Variants in PRUNE2 observed in about 807,000 individuals in gnomAD.
PRUNE2 encodes prune homolog 2 with BCH domain, also known as protein prune homolog 2.
PRUNE2 carries 164 observed loss-of-function variants against 252.0 expected under a neutral mutation model. That is an observed-to-expected ratio of 0.65 (90% confidence interval 0.57 to 0.74). The LOEUF (loss-of-function observed/expected upper bound fraction) is 0.74, where lower values mean the gene tolerates loss of function less well. PRUNE2 is among the 30% of genes least tolerant of loss of function. PRUNE2 has a pLI of 0.00. For synonymous variants in PRUNE2, 1,292 were observed against 1,350.2 expected (o/e 0.96, Z 0.94); for missense variants, 3,495 against 3,711.0 (o/e 0.94, Z 1.51).
intron 4 of PRUNE2, among the ~76,000 whole-genome samples, chr9:76,832,159 T>A (rs1319058705): frequency 2.0e-5 from 3 of 151,966 alleles, no homozygotes; most frequent in Non-Finnish European, 4.4e-5. Context: ...AAATACACAG[T>A]CACAGTGGAA....
At chr9:76,690,642 G>A (rs1051346104) in intron 9 of PRUNE2, among the ~76,000 whole-genome samples, 3 of 152,128 alleles carry the variant, frequency 2.0e-5, no homozygotes, top group South Asian at 4.1e-4. Context: ...AACCATTGGG[G>A]AAAAAAAGTT....
Position 76,826,598 on chromosome 9 carries a change from T to A in PRUNE2, c.643A>T (p.Thr215Ser). 1 of 1,603,026 alleles carries A rather than the reference T, an allele frequency of 6.2e-7. No individual in the cohort carries two copies. Among genetic ancestry groups the A allele is most frequent in the Non-Finnish European group, 8.5e-7 (1 of 1,173,476 alleles). ...CACTCACCCTGAGCACTGAACTGGG[T>A]CTCCTGTAGGACGTTGATGATGTCC... is the stretch of plus-strand genomic sequence containing the variant. ...REDIINVLQE[T>S]QFSAQGLSIE... is the part of the protein sequence containing the mutation. Residue 215 changes from threonine to serine, a missense_variant, in exon 5 of 19, where the codon ACC becomes TCC. Coordinates refer to ENST00000376718, the MANE Select transcript of PRUNE2 (RefSeq NM_015225.3).
At chr9:76,816,741 A>T (rs1371592887) in intron 6 of PRUNE2, among the ~76,000 whole-genome samples, 1 of 152,188 alleles carries the variant, frequency 6.6e-6, no homozygotes, top group Non-Finnish European at 1.5e-5. Context: ...AATCTCTACC[A>T]TTAAAATTTT....
intron 6 of PRUNE2, among the ~76,000 whole-genome samples, chr9:76,801,254 T>C (rs12000732): frequency 0.12 from 18,843 of 152,238 alleles, 1,228 homozygotes; most frequent in East Asian, 0.21. Flanking sequence ...AAAACTTTTT[T>C]CTCTCTTTGA....
chr9:76,830,080 G>A (rs973711585), intron 4 of PRUNE2, among the ~76,000 whole-genome samples: 20 of 152,034 alleles, frequency 1.3e-4, no homozygotes, highest in African/African-American at 2.7e-4. Context: ...ACTTAATTTC[G>A]AACTCAAATG....
intron 17 of PRUNE2, 44 bp from the exon 18 acceptor site, chr9:76,619,431 T>A: frequency 7.3e-7 from 1 of 1,365,710 alleles, no homozygotes; most frequent in Non-Finnish European, 1.0e-6. Flanking sequence ...ATTTCCCCAC[T>A]GTCACCACTG....
chr9:76,865,324 C>T (rs928777798), intron 1 of PRUNE2, among the ~76,000 whole-genome samples: 9 of 151,958 alleles, frequency 5.9e-5, no homozygotes, highest in Admixed American at 1.3e-4. Flanking sequence ...GAGACCCTGC[C>T]GCTACAAAAG....
intron 6 of PRUNE2, among the ~76,000 whole-genome samples, chr9:76,775,916 C>T (rs2131058956): frequency 7.7e-6 from 1 of 130,410 alleles, no homozygotes; most frequent in South Asian, 2.5e-4. Context: ...CCTCCTATGA[C>T]TACACATCCC....
chr9:76,622,645 C>A (rs1446357131), intron 17 of PRUNE2, among the ~76,000 whole-genome samples: 1 of 152,174 alleles, frequency 6.6e-6, no homozygotes, highest in Non-Finnish European at 1.5e-5. Context: ...TCTCATGATA[C>A]AAAGCAATTT....
In PRUNE2 at chr9:76,865,566, G is replaced by A. The variant is rs61652660; in HGVS notation, c.37-11358C>T. ...CTAAGGCAGCGTGCTGCACACAGGA[G>A]ATGCTCCAATCAATTTTTGTCAGTG... On this transcript the variant is annotated intron_variant, in intron 1 of 18. Transcript: ENST00000376718. Among the ~76,000 whole-genome samples, 1,143 of 152,280 alleles carry A rather than the reference G, an allele frequency of 7.5e-3. 10 individuals carry two copies. The highest frequency in any genetic ancestry group is 0.025 in the African/African-American group (1,033 of 41,548).
intron 1 of PRUNE2, among the ~76,000 whole-genome samples, chr9:76,864,728 G>C (rs953289387): frequency 6.6e-6 from 1 of 152,198 alleles, no homozygotes; most frequent in African/African-American, 2.4e-5. Flanking sequence ...CAGTGGATGT[G>C]ATCGGGGCAA....
At chr9:76,782,167 T>C (rs1304313799) in intron 6 of PRUNE2, among the ~76,000 whole-genome samples, 1 of 151,970 alleles carries the variant, frequency 6.6e-6, no homozygotes, top group Non-Finnish European at 1.5e-5. Context: ...TGAGCCAAGA[T>C]GGTGCCACTG....
At chr9:76,827,798 C>T (rs1362528546) in intron 4 of PRUNE2, among the ~76,000 whole-genome samples, 1 of 152,188 alleles carries the variant, frequency 6.6e-6, no homozygotes, top group African/African-American at 2.4e-5. Context: ...GTCGTCTGGC[C>T]TCCGTTTCCA....
chr9:76,841,477 T>TC (rs1348928037), intron 4 of PRUNE2, among the ~76,000 whole-genome samples: 1 of 152,122 alleles, frequency 6.6e-6, no homozygotes, highest in Non-Finnish European at 1.5e-5. Context: ...AACTGTTCAC[T>TC]CCCCTGGAAA....
At chr9:76,855,294 G>A (rs1192564368) in intron 1 of PRUNE2, among the ~76,000 whole-genome samples, 2 of 151,842 alleles carry the variant, frequency 1.3e-5, no homozygotes, top group African/African-American at 4.8e-5. Flanking sequence ...CGGTATGTCA[G>A]AGATGACATA....
At chr9:76,732,697 T>G (rs2048732975) in intron 6 of PRUNE2, among the ~76,000 whole-genome samples, 1 of 152,178 alleles carries the variant, frequency 6.6e-6, no homozygotes. Flanking sequence ...AAAGAGCATT[T>G]ATCTTTGCTG....
chr9:76,709,883 G>A lies in PRUNE2; in HGVS notation c.2391C>T (p.Phe797=), dbSNP rs766649345. The A allele has an allele frequency of 5.9e-5, 95 of 1,613,760 alleles. No individual in the cohort carries two copies. The highest frequency in any genetic ancestry group is 7.2e-5 in the Non-Finnish European group (85 of 1,179,882). The part of the protein sequence containing the change: ...DDGEPAAVAP[F]PAWSAFGKED... ...CTTTACCAAATGCACTCCAGGCTGG[G>A]AATGGCGCCACAGCTGCTGGTTCAC... is the stretch of plus-strand genomic sequence containing the variant. Residue 797 remains phenylalanine (F), a synonymous_variant, in exon 8 of 19, where the codon TTC becomes TTT. Coordinates refer to ENST00000376718, the MANE Select transcript of PRUNE2 (RefSeq NM_015225.3).
intron 4 of PRUNE2, among the ~76,000 whole-genome samples, chr9:76,834,008 G>T (rs867140302): frequency 1.1e-4 from 16 of 150,810 alleles, no homozygotes; most frequent in South Asian, 2.1e-4. Context: ...TCAGCCTCCC[G>T]AGTAGCTAGG....
chr9:76,708,000 T>C lies in PRUNE2; in HGVS notation c.4274A>G (p.Gln1425Arg). The C allele has an allele frequency of 6.2e-7, 1 of 1,614,004 alleles. No individual in the cohort carries two copies. The highest frequency in any genetic ancestry group is 8.5e-7 in the Non-Finnish European group (1 of 1,179,870). ...VQTGMSADNL[Q>R]PKDTHEKHLM... ...GTGTTTTTCATGGGTATCTTTTGGC[T>C]GCAGGTTATCTGCGGACATCCCTGT... is the stretch of plus-strand genomic sequence containing the variant. Residue 1425 changes from glutamine to arginine, a missense_variant, in exon 8 of 19, where the codon CAG becomes CGG. Transcript: ENST00000376718.
Sources: gnomAD v4.1 joint callset for allele counts (sites outside exome capture counted in the v4.1 genomes callset) on GRCh38, gnomAD v4.1.1 for gene constraint, MANE v1.5 for transcripts, NCBI Gene and HGNC (gene_info 2026-07-23, HGNC 2026-07-21) for gene names.